The following HGSNAT variants were observed in gnomAD, a reference collection of about 807,000 sequenced individuals.
The protein encoded by HGSNAT is transmembrane protein 76.
HGSNAT carries 59 observed loss-of-function variants against 85.2 expected under a neutral mutation model. The observed-to-expected ratio is 0.69, with a 90% CI of 0.56 to 0.86. HGSNAT has a LOEUF of 0.86. HGSNAT is among the 40% of genes least tolerant of loss of function. The pLI is 0.00. For missense variants in HGSNAT, 756 were observed against 777.1 expected (o/e 0.97, Z 0.32); for synonymous variants, 321 against 304.5 (o/e 1.05, Z -0.56).
At chr8:43,148,398 C>T (rs192997087) in intron 2 of HGSNAT, among the ~76,000 whole-genome samples, 76 of 151,704 alleles carry the variant, frequency 5.0e-4, no homozygotes, top group African/African-American at 1.6e-3. Flanking sequence ...GTTATGCTGT[C>T]GTCAAGGTGT....
At chr8:43,151,029 A>G (rs1802900329) in intron 2 of HGSNAT, among the ~76,000 whole-genome samples, 1 of 152,194 alleles carries the variant, frequency 6.6e-6, no homozygotes, top group Admixed American at 6.5e-5. Flanking sequence ...ATTTGCATAA[A>G]TAGTAAATAC....
chr8:43,197,762 G>T lies in HGSNAT; in HGVS notation c.1613+20G>T. On this transcript the variant is annotated intron_variant, in intron 16 of 17. Transcript: ENST00000379644. ...TCTCTGGTATGTATGGAAAAAGCATGATTTTATGGATGACTGTTCATGCTG... is the reference window on the plus strand; with the variant it reads ...TCTCTGGTATGTATGGAAAAAGCATTATTTTATGGATGACTGTTCATGCTG... 6.2e-7 allele frequency: 1 copy of T among 1,605,174 alleles called. No homozygotes were observed. The highest frequency in any genetic ancestry group is 8.5e-7 in the Non-Finnish European group (1 of 1,171,878).
At chr8:43,197,603 G>T in intron 15 of HGSNAT, 69 bp from the exon 16 acceptor site, 2 of 1,055,082 alleles carry the variant, frequency 1.9e-6, no homozygotes, top group Non-Finnish European at 3.0e-6. Flanking sequence ...AATATATATT[G>T]GTGTTGAAAC....
Position 43,159,001 on chromosome 8 carries a change from CT to C in HGSNAT, c.451del (p.Cys151ValfsTer5), listed in dbSNP as rs758216916. 38 of 1,613,540 alleles carry C rather than the reference CT, an allele frequency of 2.4e-5. No homozygotes were observed. Among genetic ancestry groups the C allele is most frequent in the Non-Finnish European group, 3.4e-6 (4 of 1,179,724 alleles). On this transcript the variant is annotated frameshift_variant, in exon 4 of 18. Coordinates refer to ENST00000379644, the MANE Select transcript of HGSNAT (RefSeq NM_152419.3). LOFTEE classifies it high-confidence loss of function. ...TCCATAATGGAGTTAGTGAAATTGC[CT>C]GTGACCTGGCTGTGAACGAGGATCC... ...NIHNGVSEIA[C>X]DLAVNEDPVD...
At chr8:43,196,328 C>T (rs1233407581) in intron 14 of HGSNAT, 1 of 445,132 alleles carries the variant, frequency 2.2e-6, no homozygotes, top group East Asian at 7.3e-5. Flanking sequence ...TACCTAATTT[C>T]AGAGGGATTG....
intron 1 of HGSNAT, among the ~76,000 whole-genome samples, chr8:43,141,839 G>C (rs1476496267): frequency 6.6e-6 from 1 of 152,088 alleles, no homozygotes; most frequent in East Asian, 1.9e-4. Context: ...ATCACAATTT[G>C]TCAGGGACTG....
At chr8:43,165,727 A>C (rs1030969507) in intron 5 of HGSNAT, among the ~76,000 whole-genome samples, 1 of 152,174 alleles carries the variant, frequency 6.6e-6, no homozygotes, top group Non-Finnish European at 1.5e-5. Context: ...GCTTGAAGCT[A>C]GGAGTTCGAG....
intron 2 of HGSNAT, among the ~76,000 whole-genome samples, chr8:43,152,649 G>T (rs1802955503): frequency 6.6e-6 from 1 of 152,046 alleles, no homozygotes. Flanking sequence ...TGGAGACAAG[G>T]TCTTGCTATG....
chr8:43,168,502 T>C lies in HGSNAT; in HGVS notation c.564-671T>C, dbSNP rs181284383. On this transcript the variant is annotated intron_variant, in intron 5 of 17. Coordinates refer to ENST00000379644, the MANE Select transcript of HGSNAT (RefSeq NM_152419.3). ...CCCTCCGCCTCCTGGGTTCAAGCAA[T>C]TCTCCTGCCTCAGCCTCCTGAGTAG... 2.7e-3 allele frequency among the ~76,000 whole-genome samples: 371 copies of C among 138,452 alleles called. 1 individual carries two copies. Among genetic ancestry groups the C allele is most frequent in the Middle Eastern group, 8.1e-3 (2 of 246 alleles). 90.8% of individuals were successfully genotyped at this position (138,452 alleles called of 152,430 possible). A position where few individuals can be genotyped will look rare whatever the true frequency, so the allele number is the denominator to read the frequency against.
intron 14 of HGSNAT, among the ~76,000 whole-genome samples, chr8:43,195,625 ATGG>A (rs1325034670): frequency 1.5e-5 from 2 of 133,742 alleles, no homozygotes; most frequent in East Asian, 5.3e-4. Flanking sequence ...GTGGAGGAGG[ATGG>A]GGTGGAGGAA....
At chr8:43,170,437 G>A in intron 6 of HGSNAT, 148 bp from the exon 7 acceptor site, 1 of 695,300 alleles carries the variant, frequency 1.4e-6, no homozygotes, top group Non-Finnish European at 2.5e-6. Flanking sequence ...CCAAGGTCTT[G>A]CCATTGCACT....
intron 9 of HGSNAT, among the ~76,000 whole-genome samples, chr8:43,174,860 T>C (rs1431100874): frequency 6.6e-6 from 1 of 152,238 alleles, no homozygotes; most frequent in Non-Finnish European, 1.5e-5. Context: ...CTTGATCTTA[T>C]TCATTCCATC....
At chr8:43,173,601 G>A (rs1248037200) in intron 8 of HGSNAT, 112 bp from the exon 9 acceptor site, 1 of 1,172,324 alleles carries the variant, frequency 8.5e-7, no homozygotes, top group Non-Finnish European at 1.2e-6. Flanking sequence ...ATGAGTCACT[G>A]CGCCTCCCCT....
Position 43,199,664 on chromosome 8 carries a change from T to G in HGSNAT, c.*95T>G. On this transcript the variant is annotated 3_prime_UTR_variant, in exon 18 of 18. Transcript: ENST00000379644. Reference sequence around the variant, plus strand: ...TAAAGGGAAGCATTCATTAGGAAATTGACTGGCTGCGTGTTTACAGACTCT... The same window carrying G: ...TAAAGGGAAGCATTCATTAGGAAATGGACTGGCTGCGTGTTTACAGACTCT... 2 of 965,184 alleles carry G rather than the reference T, an allele frequency of 2.1e-6. No individual in the cohort carries two copies. The highest frequency in any genetic ancestry group is 2.7e-5 in the East Asian group (1 of 36,520). The allele number at this position is 965,184 out of a possible 1,614,324, so 59.8% of individuals were successfully genotyped here.
chr8:43,148,808 AAAAG>A (rs1261406186), intron 2 of HGSNAT, among the ~76,000 whole-genome samples: 70 of 151,420 alleles, frequency 4.6e-4, no homozygotes, highest in Non-Finnish European at 6.5e-4. Flanking sequence ...AAAAAAAAAA[AAAAG>A]AAAGAATTAA....
chr8:43,171,588 G>T (rs186137745), intron 7 of HGSNAT, among the ~76,000 whole-genome samples: 5 of 152,160 alleles, frequency 3.3e-5, no homozygotes, highest in African/African-American at 1.2e-4. Flanking sequence ...TTGGGTTACA[G>T]AGTCTCCCAA....
At chr8:43,178,336 A>C (rs1803887441) in intron 10 of HGSNAT, 102 bp downstream of exon 10, 2 of 796,094 alleles carry the variant, frequency 2.5e-6, no homozygotes, top group South Asian at 5.1e-5. Flanking sequence ...GGTGCCTGCA[A>C]ATAGAATAAT....
chr8:43,151,841 G>T (rs1802931305), intron 2 of HGSNAT, among the ~76,000 whole-genome samples: 1 of 152,192 alleles, frequency 6.6e-6, no homozygotes, highest in Non-Finnish European at 1.5e-5. Context: ...CAACACTCCA[G>T]TAGAGAGATT....
At chr8:43,199,102 C>T (rs1015708061) in intron 17 of HGSNAT, among the ~76,000 whole-genome samples, 5 of 152,028 alleles carry the variant, frequency 3.3e-5, no homozygotes, top group African/African-American at 7.2e-5. Flanking sequence ...GGTTTCATCA[C>T]GTTGGCCAGG....
Sources: gnomAD v4.1 joint callset for allele counts (sites outside exome capture counted in the v4.1 genomes callset) on GRCh38, gnomAD v4.1.1 for gene constraint, MANE v1.5 for transcripts, NCBI Gene and HGNC (gene_info 2026-07-23, HGNC 2026-07-21) for gene names.